The following CUX2 variants were observed in gnomAD, a reference collection of about 807,000 sequenced individuals.
CUX2 encodes the protein homeobox protein cut-like 2.
In CUX2, 40 loss-of-function variants were observed where a neutral mutation model predicts 144.8. The ratio of observed to expected loss-of-function variants is 0.28; its 90% confidence interval spans 0.21 to 0.36. The LOEUF is 0.36. CUX2 is among the 10% of genes least tolerant of loss of function. The pLI is 1.00. For synonymous variants in CUX2, 827 were observed against 875.6 expected (o/e 0.94, Z 0.98); for missense variants, 1,615 against 1,994.0 (o/e 0.81, Z 3.62).
intron 4 of CUX2, among the ~76,000 whole-genome samples, chr12:111,278,549 C>G (rs1884983028): frequency 6.6e-6 from 1 of 152,176 alleles, no homozygotes; most frequent in Non-Finnish European, 1.5e-5. Context: ...ACCCTCTCAC[C>G]CAGAGCTCTA....
intron 1 of CUX2, among the ~76,000 whole-genome samples, chr12:111,041,645 A>T (rs1869747890): frequency 6.6e-6 from 1 of 152,220 alleles, no homozygotes; most frequent in Non-Finnish European, 1.5e-5. Context: ...GAAAATCAGG[A>T]GCTCTGGCCA....
intron 10 of CUX2, among the ~76,000 whole-genome samples, chr12:111,305,877 T>C (rs1032189217): frequency 6.6e-6 from 1 of 152,028 alleles, no homozygotes; most frequent in Non-Finnish European, 1.5e-5. Flanking sequence ...CTTTGATGCG[T>C]GTGTATTTGT....
chr12:111,272,256 T>C (rs1332624156), intron 4 of CUX2, among the ~76,000 whole-genome samples: 1 of 151,992 alleles, frequency 6.6e-6, no homozygotes, highest in African/African-American at 2.4e-5. Flanking sequence ...CTACAGGAAA[T>C]AGAGATTTTC....
At chr12:111,342,908 G>A (rs991667947) in intron 21 of CUX2, among the ~76,000 whole-genome samples, 5 of 138,938 alleles carry the variant, frequency 3.6e-5, no homozygotes, top group African/African-American at 5.5e-5. Flanking sequence ...GCAGTGAGCC[G>A]AGATTGTGCC....
At chr12:111,334,819 A>C (rs745412935) in intron 19 of CUX2, 109 bp downstream of exon 19, 7 of 1,265,858 alleles carry the variant, frequency 5.5e-6, no homozygotes, top group Non-Finnish European at 6.5e-6. Flanking sequence ...CTGTAATTCC[A>C]GTGCTTTGGG....
At chr12:111,185,086 A>G (rs1879441685) in intron 1 of CUX2, among the ~76,000 whole-genome samples, 1 of 152,216 alleles carries the variant, frequency 6.6e-6, no homozygotes, top group Non-Finnish European at 1.5e-5. Flanking sequence ...ACATTGCATA[A>G]CAAGGTATGG....
chr12:111,306,341 T>A (rs920858746), intron 10 of CUX2, among the ~76,000 whole-genome samples: 2 of 145,974 alleles, frequency 1.4e-5, no homozygotes, highest in African/African-American at 5.3e-5. Flanking sequence ...TTTTTTTTTT[T>A]AATGTTTCTT....
In CUX2 at chr12:111,320,403, C is replaced by A; in HGVS notation, c.2394C>A (p.Arg798=). The A allele has an allele frequency of 6.3e-7, 1 of 1,597,890 alleles. No individual in the cohort carries two copies. The highest frequency in any genetic ancestry group is 8.5e-7 in the Non-Finnish European group (1 of 1,179,092). ...CCTCCGACCGCGGCCTGCTCAGCCG[C>A]CCCTACGCCTCCGTGTCGCCCTCGC... ...HWASDRGLLS[R]PYASVSPSLS... Residue 798 remains arginine, a synonymous_variant, in exon 17 of 22, where the codon CGC becomes CGA. Coordinates refer to ENST00000261726, the MANE Select transcript of CUX2 (RefSeq NM_015267.4). This position sits in a 1 kb window ranked among gnomAD's most constrained non-coding sequence, Gnocchi z 8.1.
intron 4 of CUX2, among the ~76,000 whole-genome samples, chr12:111,267,997 A>G (rs558392580): frequency 2.6e-5 from 4 of 152,134 alleles, no homozygotes; most frequent in South Asian, 2.1e-4. Flanking sequence ...AAGTCTCACT[A>G]TGTTACCCAG....
intron 1 of CUX2, among the ~76,000 whole-genome samples, chr12:111,189,116 C>T (rs1016021696): frequency 1.3e-5 from 2 of 151,982 alleles, no homozygotes; most frequent in African/African-American, 2.4e-5. Context: ...CCCGACTCTA[C>T]AAAAAATTAG....
At position 111,277,127 on chromosome 12, in the gene CUX2, A is replaced by G. The variant is rs1412894078; in HGVS notation, c.301+13288A>G. On this transcript the variant is annotated intron_variant, in intron 4 of 21. Transcript: ENST00000261726. This position sits in a 1 kb window ranked among gnomAD's most constrained non-coding sequence, Gnocchi z 5.0. ...GGGGGCCCCATCTGCCCCAGGATGA[A>G]TGGTTGCTGGAGTTTGAGGGATGAA... Among the ~76,000 whole-genome samples the G allele has an allele frequency of 1.3e-5, 2 of 152,030 alleles. No individual in the cohort carries two copies. The highest frequency in any genetic ancestry group is 4.8e-5 in the African/African-American group (2 of 41,390).
rs575377287 is a variant in CUX2 at position 111,104,656 on chromosome 12, C to T, written c.63+70416C>T. 5.9e-5 allele frequency among the ~76,000 whole-genome samples: 9 copies of T among 152,276 alleles called. No homozygotes were observed. In the East Asian group the frequency reaches 9.6e-4, roughly 16 times the overall value. ...ACATATTGAAGGAAAGGATCTGGCA[C>T]GCAGTATGGACTGCTGGCCATTATC... On this transcript the variant is annotated intron_variant, in intron 1 of 21. Coordinates refer to ENST00000261726, the MANE Select transcript of CUX2 (RefSeq NM_015267.4).
rs749551874 is a variant in CUX2, at chr12:111,291,498, C to T, written c.382C>T (p.Arg128Trp). 6.2e-6 allele frequency: 10 copies of T among 1,612,456 alleles called. No homozygotes were observed. Among genetic ancestry groups the T allele is most frequent in the South Asian group, 3.3e-5 (3 of 90,568 alleles). ...CAGCTTTGACCCCAGTGGGCAGCCC[C>T]GGCGAGACCTCCACACTTCGTGGAA... is the stretch of plus-strand genomic sequence containing the variant. The part of the protein sequence containing the change: ...PPSFDPSGQP[R>W]RDLHTSWKRN... The change falls in exon 5 of 22, where the codon CGG (arginine) becomes TGG (tryptophan). Residue 128 changes from arginine to tryptophan, a missense_variant. Arg to Trp is a moderately radical substitution (Grantham distance 101). This residue lies in a region of CUX2 where 295 missense variants were observed against 400.2 expected (regional missense o/e 0.74). Coordinates refer to ENST00000261726, the MANE Select transcript of CUX2 (RefSeq NM_015267.4).
At chr12:111,225,369 G>A (rs1882080519) in intron 3 of CUX2, among the ~76,000 whole-genome samples, 1 of 152,212 alleles carries the variant, frequency 6.6e-6, no homozygotes, top group South Asian at 2.1e-4. Flanking sequence ...TCAGCCCGCA[G>A]CCCCTGATGG....
chr12:111,303,220 C>T (rs1390634407), intron 9 of CUX2, among the ~76,000 whole-genome samples: 2 of 55,624 alleles, frequency 3.6e-5, no homozygotes, highest in Non-Finnish European at 5.6e-5. Context: ...GACCCTGTCT[C>T]GAAAAAAAAA....
chr12:111,320,311 G>T lies in CUX2; in HGVS notation c.2302G>T (p.Val768Leu). 1 of 1,597,946 alleles carries T rather than the reference G, an allele frequency of 6.3e-7. No homozygotes were observed. The highest frequency in any genetic ancestry group is 8.5e-7 in the Non-Finnish European group (1 of 1,179,098). ...CCCGGTCCTGTCCCCCGCCGCCTTC[G>T]TGCAGAGCATCATCCGCAAGGTCAA... is the stretch of plus-strand genomic sequence containing the variant. ...PLPVLSPAAF[V>L]QSIIRKVKSE... is the part of the protein sequence containing the mutation. Residue 768 changes from valine (V) to leucine (L), a missense_variant, in exon 17 of 22, where the codon GTG becomes TTG. Val to Leu is a conservative substitution (Grantham distance 32). This residue lies in a region of CUX2 where 390 missense variants were observed against 387.1 expected (regional missense o/e 1.01). Coordinates refer to ENST00000261726, the MANE Select transcript of CUX2 (RefSeq NM_015267.4). This position sits in a 1 kb window ranked among gnomAD's most constrained non-coding sequence, Gnocchi z 8.1.
chr12:111,336,929 C>A (rs1888379056), intron 19 of CUX2, among the ~76,000 whole-genome samples: 1 of 151,828 alleles, frequency 6.6e-6, no homozygotes, highest in African/African-American at 2.4e-5. Flanking sequence ...AATCCCAGCA[C>A]TTTGGGAGGC....
chr12:111,101,889 G>A (rs554579489), intron 1 of CUX2, among the ~76,000 whole-genome samples: 108 of 152,226 alleles, frequency 7.1e-4, no homozygotes, highest in Non-Finnish European at 1.2e-3. Flanking sequence ...CTGCAAAATC[G>A]GGCTAAATAC....
At chr12:111,199,516 G>A (rs964703926) in intron 1 of CUX2, among the ~76,000 whole-genome samples, 7 of 152,198 alleles carry the variant, frequency 4.6e-5, no homozygotes, top group African/African-American at 1.4e-4. Flanking sequence ...AGTTGGGAAT[G>A]TGCGTGCCCT....
Sources: allele counts gnomAD v4.1 joint callset (sites outside exome capture counted in the v4.1 genomes callset), GRCh38; gene constraint gnomAD v4.1.1; regional missense constraint gnomAD v4.1.1; non-coding constraint Gnocchi (gnomAD v3.1); transcripts MANE v1.5; gene names NCBI Gene and HGNC (gene_info 2026-07-23, HGNC 2026-07-21).